CPNE4: variants seen among roughly 807,000 people sequenced by gnomAD.
The protein encoded by CPNE4 is copine 4.
CPNE4 carries 25 observed loss-of-function variants against 67.9 expected under a neutral mutation model. The observed-to-expected ratio is 0.37, with a 90% confidence interval of 0.27 to 0.51. CPNE4 has a LOEUF of 0.51. CPNE4 is among the 20% of genes least tolerant of loss of function. The pLI, the probability that CPNE4 is intolerant of heterozygous loss-of-function variation, is 0.93. For synonymous variants in CPNE4, 242 were observed against 244.9 expected (o/e 0.99, Z 0.11); for missense variants, 464 against 690.8 (o/e 0.67, Z 3.68).
intron 2 of CPNE4, among the ~76,000 whole-genome samples, chr3:131,839,445 A>G (rs2085686621): frequency 6.6e-6 from 1 of 151,036 alleles, no homozygotes; most frequent in Non-Finnish European, 1.5e-5. Flanking sequence ...ATATATTTAT[A>G]TTTACTTAAT....
chr3:131,684,056 A>G (rs2080823973), intron 6 of CPNE4, among the ~76,000 whole-genome samples: 1 of 152,162 alleles, frequency 6.6e-6, no homozygotes, highest in African/African-American at 2.4e-5. Context: ...CAACAATTCA[A>G]GACTGTCTTT....
intron 2 of CPNE4, among the ~76,000 whole-genome samples, chr3:131,781,147 T>C (rs969800201): frequency 1.3e-5 from 2 of 152,044 alleles, no homozygotes; most frequent in Non-Finnish European, 2.9e-5. Context: ...AACCCGGGTA[T>C]GGATAAAATA....
chr3:132,036,302 G>A (rs2074337050), upstream of CPNE4, among the ~76,000 whole-genome samples: 1 of 152,050 alleles, frequency 6.6e-6, no homozygotes, highest in African/African-American at 2.4e-5. Flanking sequence ...CAATCGTTGT[G>A]ACCTTTGGAT....
chr3:131,745,362 T>C (rs981876175), intron 2 of CPNE4, among the ~76,000 whole-genome samples: 1 of 152,114 alleles, frequency 6.6e-6, no homozygotes, highest in Non-Finnish European at 1.5e-5. Context: ...TCTGATAGGC[T>C]GTAGTTTGTC....
chr3:131,696,777 G>C (rs2081167623), intron 4 of CPNE4, among the ~76,000 whole-genome samples, 161 bp from the exon 5 acceptor site: 1 of 152,070 alleles, frequency 6.6e-6, no homozygotes, highest in South Asian at 2.1e-4. Flanking sequence ...GCAATTCTAG[G>C]TATTCAAGGG....
chr3:131,671,459 ATGTGTGTGTGTGTG>A (rs58195413), intron 6 of CPNE4, among the ~76,000 whole-genome samples: 1 of 131,254 alleles, frequency 7.6e-6, no homozygotes, highest in Non-Finnish European at 1.8e-5. Flanking sequence ...GAGTGTACAC[ATGTGTGTGTGTGTG>A]TGTGTGTGTG....
intron 2 of CPNE4, among the ~76,000 whole-genome samples, chr3:131,903,997 A>G (rs978328234): frequency 6.6e-6 from 1 of 152,072 alleles, no homozygotes; most frequent in South Asian, 2.1e-4. Context: ...AATCCTTCCC[A>G]GAATAAACTT....
intron 5 of CPNE4, among the ~76,000 whole-genome samples, chr3:131,694,997 G>A (rs982727438): frequency 2.6e-5 from 4 of 152,222 alleles, no homozygotes; most frequent in Non-Finnish European, 5.9e-5. Context: ...CAGAGCAGTA[G>A]TGTTGTGTCT....
Position 131,564,305 on chromosome 3 carries a change from G to A in CPNE4, c.972C>T (p.Ser324=). 2 of 1,612,824 alleles carry A rather than the reference G, an allele frequency of 1.2e-6. No individual in the cohort carries two copies. Among genetic ancestry groups the A allele is most frequent in the Non-Finnish European group, 8.5e-7 (1 of 1,179,244 alleles). ...FTASNGDPRN[S]CSLHYIHPYQ... ...AAGGGTGGATGTAGTGCAAGGAACA[G>A]CTGTTCCTGGGGTCCCCGTTTGAGG... is the stretch of plus-strand genomic sequence containing the variant. The change falls in exon 11 of 16, where the codon AGC becomes AGT. Residue 324 remains serine, a synonymous_variant. Transcript: ENST00000429747.
intron 2 of CPNE4, among the ~76,000 whole-genome samples, chr3:131,836,798 G>C (rs895150212): frequency 6.6e-6 from 1 of 152,064 alleles, no homozygotes; most frequent in Non-Finnish European, 1.5e-5. Flanking sequence ...GCTACAGATT[G>C]GGAAAAAATA....
Position 131,998,011 on chromosome 3 carries a change from C to T in CPNE4, c.-2+36556G>A, listed in dbSNP as rs144647866. Among the ~76,000 whole-genome samples the T allele has an allele frequency of 6.0e-4, 92 of 152,288 alleles. 1 individual carries two copies. Among genetic ancestry groups the T allele is most frequent in the African/African-American group, 2.1e-3 (88 of 41,570 alleles). ...CCTCTTCTTAGGCCCCACCTCCCAA[C>T]ACTGTTGCATTGGGGATTAAGTTTC... On this transcript the variant is annotated intron_variant, in intron 1 of 15. Transcript: ENST00000429747.
intron 2 of CPNE4, among the ~76,000 whole-genome samples, chr3:131,866,195 T>C (rs147966741): frequency 3.9e-5 from 6 of 152,354 alleles, no homozygotes; most frequent in Non-Finnish European, 7.3e-5. Context: ...TATTTAGTTA[T>C]AATCTGATCA....
intron 4 of CPNE4, among the ~76,000 whole-genome samples, chr3:131,698,719 G>A (rs1434940796): frequency 6.6e-6 from 1 of 151,720 alleles, no homozygotes; most frequent in African/African-American, 2.4e-5. Context: ...AGACCAACCT[G>A]GCCAACATAG....
chr3:131,662,918 T>C (rs1271421214), intron 7 of CPNE4, among the ~76,000 whole-genome samples: 2 of 152,138 alleles, frequency 1.3e-5, no homozygotes, highest in Non-Finnish European at 2.9e-5. Flanking sequence ...TCCTCAAGGA[T>C]CTAGAACCAG....
intron 7 of CPNE4, among the ~76,000 whole-genome samples, chr3:131,639,096 C>T (rs1488714479): frequency 1.3e-5 from 2 of 151,986 alleles, no homozygotes; most frequent in Non-Finnish European, 2.9e-5. Flanking sequence ...GGTCACATCA[C>T]ATGGAACTGG....
chr3:131,559,220 AT>A lies in CPNE4; in HGVS notation c.1062-3670del, dbSNP rs1000510782. Among the ~76,000 whole-genome samples the A allele has an allele frequency of 7.9e-5, 12 of 151,790 alleles. No individual in the cohort carries two copies. The East Asian group carries it at 9.7e-4, about 12-fold the overall frequency. On this transcript the variant is annotated intron_variant, in intron 11 of 15. Coordinates refer to ENST00000429747, the MANE Select transcript of CPNE4 (RefSeq NM_130808.3). ...CGTTTTGATGATTGGCCATTATGTA[AT>A]TTTTTTTGGTATATAACTTAAACTT...
rs1180552676 is a variant in CPNE4, at chr3:131,535,038, C to A, written c.*157G>T. The A allele has an allele frequency of 1.5e-6, 1 of 675,312 alleles. No individual in the cohort carries two copies. The highest frequency in any genetic ancestry group is 2.9e-5 in the South Asian group (1 of 33,958). 41.8% of individuals were successfully genotyped at this position (675,312 alleles called of 1,614,324 possible). ...GATCCAGGCCTCAGGGCTACACATG[C>A]AAAAAAAATTGTCAGATAGTTAAAA... On this transcript the variant is annotated 3_prime_UTR_variant, in exon 16 of 16. Coordinates refer to ENST00000429747, the MANE Select transcript of CPNE4 (RefSeq NM_130808.3).
intron 2 of CPNE4, among the ~76,000 whole-genome samples, chr3:131,831,504 G>A (rs927618605): frequency 6.6e-6 from 1 of 152,024 alleles, no homozygotes; most frequent in African/African-American, 2.4e-5. Flanking sequence ...TACAAATTAT[G>A]AAAACTAAAA....
chr3:131,977,950 A>G (rs1249639412), intron 1 of CPNE4, among the ~76,000 whole-genome samples: 3 of 148,798 alleles, frequency 2.0e-5, no homozygotes, highest in Non-Finnish European at 4.4e-5. Context: ...TCCATTCCTG[A>G]GTTATTTCAC....
Sources: gnomAD v4.1 joint callset for allele counts (sites outside exome capture counted in the v4.1 genomes callset) on GRCh38, gnomAD v4.1.1 for gene constraint, MANE v1.5 for transcripts, NCBI Gene and HGNC (gene_info 2026-07-23, HGNC 2026-07-21) for gene names.